Variants in HEXIM2 observed in about 807,000 individuals in gnomAD.
The protein encoded by HEXIM2 is HEXIM P-TEFb complex subunit 2.
For synonymous variants in HEXIM2, 159 were observed against 162.7 expected (o/e 0.98, Z 0.17); for missense variants, 413 against 390.8 (o/e 1.06, Z -0.48).
At chr17:45,161,509 ATGG>A, upstream of HEXIM2, 4 of 160,914 alleles carry the variant, frequency 2.5e-5, no homozygotes, top group Admixed American at 1.2e-4. Context: ...AATGGCGGCG[ATGG>A]CCGCCGAGCT....
chr17:45,160,957 A>G (rs1444905055), upstream of HEXIM2: 3 of 1,289,634 alleles, frequency 2.3e-6, no homozygotes, highest in Non-Finnish European at 3.0e-6. Flanking sequence ...AGGTGGGTGC[A>G]CTGGGATCTC....
At chr17:45,164,465 C>CA (rs548333116) in intron 3 of HEXIM2, among the ~76,000 whole-genome samples, 3 of 150,752 alleles carry the variant, frequency 2.0e-5, no homozygotes, top group Non-Finnish European at 4.4e-5. Flanking sequence ...AAAAAAAAAC[C>CA]AAAAAAACAA....
At chr17:45,168,040 C>T (rs2042909935) in intron 3 of HEXIM2, among the ~76,000 whole-genome samples, 2 of 151,060 alleles carry the variant, frequency 1.3e-5, no homozygotes, top group Admixed American at 1.3e-4. Context: ...CGTGCCACCA[C>T]GCCCGGCTTA....
At position 45,169,848 on chromosome 17, in the gene HEXIM2, C is replaced by T. The variant is rs1281285348; in HGVS notation, c.*39C>T. 2.1e-6 allele frequency: 3 copies of T among 1,414,324 alleles called. No individual in the cohort carries two copies. Among genetic ancestry groups the T allele is most frequent in the Middle Eastern group, 2.3e-4 (1 of 4,268 alleles). 87.6% of individuals were successfully genotyped at this position (1,414,324 alleles called of 1,614,324 possible). ...CCTGGTGGACCCAAGGAGAAGGTCC[C>T]ATTTCGTGCACACTCAGGCCAGCTG... is the stretch of plus-strand genomic sequence containing the variant. On this transcript the variant is annotated 3_prime_UTR_variant, in exon 4 of 4. Coordinates refer to ENST00000589230, the MANE Select transcript of HEXIM2 (RefSeq NM_001303441.2).
At position 45,164,130 on chromosome 17, in the gene HEXIM2, G is replaced by A. The variant is rs2042775975; in HGVS notation, c.66+1271G>A. 2.0e-5 allele frequency among the ~76,000 whole-genome samples: 3 copies of A among 150,304 alleles called. No individual in the cohort carries two copies. In the South Asian group the frequency reaches 6.3e-4, roughly 32 times the overall value. On this transcript the variant is annotated intron_variant, in intron 3 of 3. Coordinates refer to ENST00000589230, the MANE Select transcript of HEXIM2 (RefSeq NM_001303441.2). Reference sequence around the variant, plus strand: ...AGATTGTGCCATTGCACTCCAGCTTGGGCAACAAGAACAAAACTCTCTCAA... The same window carrying A: ...AGATTGTGCCATTGCACTCCAGCTTAGGCAACAAGAACAAAACTCTCTCAA...
chr17:45,161,444 C>G (rs2042687403), upstream of HEXIM2: 1 of 173,444 alleles, frequency 5.8e-6, no homozygotes, highest in Non-Finnish European at 1.3e-5. Flanking sequence ...GGACCACCCC[C>G]CACGGGGTGC....
chr17:45,161,442 C>T (rs894675924), upstream of HEXIM2: 2 of 173,202 alleles, frequency 1.2e-5, no homozygotes, highest in East Asian at 1.6e-4. Context: ...CCGGACCACC[C>T]CCCACGGGGT....
intron 3 of HEXIM2, among the ~76,000 whole-genome samples, chr17:45,164,084 GGCAGAAGTT>G (rs2042774847): frequency 6.6e-6 from 1 of 151,990 alleles, no homozygotes; most frequent in South Asian, 2.1e-4. Context: ...GAACCCATGA[GGCAGAAGTT>G]GCAGTGAGCT....
upstream of HEXIM2, among the ~76,000 whole-genome samples, chr17:45,160,510 G>A (rs1032308223): frequency 3.9e-5 from 6 of 152,034 alleles, no homozygotes; most frequent in Non-Finnish European, 7.4e-5. Context: ...TAGGAGGGCA[G>A]CCATTTCTCT....
chr17:45,169,846 CCCA>C lies in HEXIM2; in HGVS notation c.*38_*40del. On this transcript the variant is annotated 3_prime_UTR_variant, in exon 4 of 4. Transcript: ENST00000589230. The stretch of plus-strand genomic sequence containing the variant: ...AGCCTGGTGGACCCAAGGAGAAGGT[CCCA>C]TTTCGTGCACACTCAGGCCAGCTGG... 1 of 1,418,060 alleles carries C rather than the reference CCCA, an allele frequency of 7.1e-7. No individual in the cohort carries two copies. The highest frequency in any genetic ancestry group is 1.5e-5 in the South Asian group (1 of 64,808). The allele number at this position is 1,418,060 out of a possible 1,614,324, so 87.8% of individuals were successfully genotyped here.
At chr17:45,160,627 A>G, upstream of HEXIM2, 1 of 262,664 alleles carries the variant, frequency 3.8e-6, no homozygotes, top group Non-Finnish European at 7.9e-6. Context: ...AGCGACTCCG[A>G]CTTTGTGCCC....
At chr17:45,165,864 G>A (rs147692672) in intron 3 of HEXIM2, among the ~76,000 whole-genome samples, 1,762 of 150,850 alleles carry the variant, frequency 0.012, 40 homozygotes, top group African/African-American at 0.04. Flanking sequence ...GCGTGATCTC[G>A]CCTCACTGCA....
At chr17:45,161,848 C>T (rs1296459439), upstream of HEXIM2, 1 of 985,714 alleles carries the variant, frequency 1.0e-6, no homozygotes, top group Non-Finnish European at 1.2e-6. Flanking sequence ...GAACTACAAT[C>T]CCCAGCAGGC....
At chr17:45,161,307 G>A (rs1280005945), upstream of HEXIM2, 5 of 306,370 alleles carry the variant, frequency 1.6e-5, no homozygotes, top group Non-Finnish European at 2.6e-5. Flanking sequence ...TGCCGGGACG[G>A]TTTGAGGACC....
Position 45,169,332 on chromosome 17 carries a change from C to T in HEXIM2, c.384C>T (p.Arg128=), listed in dbSNP as rs150581722. ...ERQSQRASRV[R]EEMFAKGQPV... ...AGAGCCAGAGGGCCTCCCGGGTCCG[C>T]GAAGAGATGTTCGCCAAAGGCCAGC... The change falls in exon 4 of 4, where the codon CGC becomes CGT. Residue 128 remains arginine, a synonymous_variant. Transcript: ENST00000589230. 12 of 1,613,670 alleles carry T rather than the reference C, an allele frequency of 7.4e-6. No homozygotes were observed. Among genetic ancestry groups the T allele is most frequent in the African/African-American group, 4.0e-5 (3 of 74,876 alleles).
chr17:45,162,973 A>G, intron 3 of HEXIM2, 114 bp downstream of exon 3: 1 of 738,354 alleles, frequency 1.4e-6, no homozygotes, highest in Non-Finnish European at 2.4e-6. Flanking sequence ...TATTTTGACG[A>G]ATCAGTACTA....
intron 3 of HEXIM2, 179 bp from the exon 4 acceptor site, chr17:45,168,836 G>A: frequency 1.5e-6 from 1 of 667,994 alleles, no homozygotes; most frequent in East Asian, 2.5e-5. Flanking sequence ...GGGGAAGGTT[G>A]GGGGACAGAC....
intron 3 of HEXIM2, among the ~76,000 whole-genome samples, chr17:45,163,289 G>C (rs2042753409): frequency 8.0e-6 from 1 of 125,726 alleles, no homozygotes; most frequent in Admixed American, 1.0e-4. Flanking sequence ...TCTCGCAATT[G>C]CACTCCAGCC....
chr17:45,169,865 G>A lies in HEXIM2; in HGVS notation c.*56G>A. Reference sequence around the variant, plus strand: ...GAAGGTCCCATTTCGTGCACACTCAGGCCAGCTGGGTCTCAAGGAGGCAGG... The same window carrying A: ...GAAGGTCCCATTTCGTGCACACTCAAGCCAGCTGGGTCTCAAGGAGGCAGG... On this transcript the variant is annotated 3_prime_UTR_variant, in exon 4 of 4. Transcript: ENST00000589230. 7.2e-7 allele frequency: 1 copy of A among 1,383,572 alleles called. No individual in the cohort carries two copies. Among genetic ancestry groups the A allele is most frequent in the South Asian group, 1.6e-5 (1 of 60,960 alleles). The allele number at this position is 1,383,572 out of a possible 1,614,324, so 85.7% of individuals were successfully genotyped here. A position where few individuals can be genotyped will look rare whatever the true frequency, so the allele number is the denominator to read the frequency against.
Sources: gnomAD v4.1 joint callset for allele counts (sites outside exome capture counted in the v4.1 genomes callset) on GRCh38, gnomAD v4.1.1 for gene constraint, MANE v1.5 for transcripts, NCBI Gene and HGNC (gene_info 2026-07-23, HGNC 2026-07-21) for gene names.